Variants in SLC19A3 observed in about 807,000 individuals in gnomAD.
SLC19A3 encodes solute carrier family 19 member 3.
Under a neutral mutation model 40.2 loss-of-function variants are expected in SLC19A3, and 31 were observed. The ratio of observed to expected loss-of-function variants is 0.77; its 90% CI spans 0.58 to 1.04. The LOEUF (loss-of-function observed/expected upper bound fraction) is 1.04, where lower values mean the gene tolerates loss of function less well. Ranked by LOEUF, SLC19A3 falls within the 50% of genes least tolerant of loss-of-function variation. The pLI, the probability that SLC19A3 is intolerant of heterozygous loss-of-function variation, is 0.00. For missense variants in SLC19A3, 592 were observed against 596.7 expected (o/e 0.99, Z 0.08); for synonymous variants, 212 against 227.5 (o/e 0.93, Z 0.61).
chr2:227,694,134 G>A (rs1695337877), intron 4 of SLC19A3, among the ~76,000 whole-genome samples: 1 of 152,130 alleles, frequency 6.6e-6, no homozygotes, highest in South Asian at 2.1e-4. Flanking sequence ...AGCCTCCCCA[G>A]TAGCAGGGAT....
At position 227,710,683 on chromosome 2, in the gene SLC19A3, C is replaced by A. The variant is rs114621462; in HGVS notation, c.-3+7260G>T. ...TTTTAGACTATCTATGGACCCCACT[C>A]CAAGCTATCTTATTAGCATAAACAC... On this transcript the variant is annotated intron_variant, in intron 1 of 5. Coordinates refer to ENST00000644224, the MANE Select transcript of SLC19A3 (RefSeq NM_025243.4). Among the ~76,000 whole-genome samples the A allele has an allele frequency of 3.0e-3, 461 of 152,242 alleles. 4 individuals carry two copies. Among genetic ancestry groups the A allele is most frequent in the African/African-American group, 0.01 (432 of 41,544 alleles).
rs990056895 is a variant in SLC19A3 at position 227,688,033 on chromosome 2, T to C, written c.1314+133A>G. On this transcript the variant is annotated intron_variant, in intron 5 of 5. Transcript: ENST00000644224. ...TGCTCAAAACCTACTTGGTGTGTTA[T>C]AATATGATAATGAAGGAATTATGTA... 4 of 988,592 alleles carry C rather than the reference T, an allele frequency of 4.0e-6. No homozygotes were observed. In the Admixed American group the frequency reaches 7.5e-5, roughly 18 times the overall value. 61.2% of individuals were successfully genotyped at this position (988,592 alleles called of 1,614,324 possible).
At chr2:227,706,424 A>G in intron 1 of SLC19A3, 1 of 1,230,936 alleles carries the variant, frequency 8.1e-7, no homozygotes. Flanking sequence ...CCATTATTAT[A>G]AGCTCTATCA....
In SLC19A3 at chr2:227,686,877, T is replaced by G. The variant is rs1479382257; in HGVS notation, c.*520A>C. 1 of 152,460 alleles carries G rather than the reference T, an allele frequency of 6.6e-6. No individual in the cohort carries two copies. The highest frequency in any genetic ancestry group is 1.5e-5 in the Non-Finnish European group (1 of 68,252). The allele number at this position is 152,460 out of a possible 1,614,324, so 9.4% of individuals were successfully genotyped here. ...GAAGCCCTTAGAAATGGGACAAACA[T>G]TGTAATTCTCTTAGAGAACTGTAAC... On this transcript the variant is annotated 3_prime_UTR_variant, in exon 6 of 6. Transcript: ENST00000644224.
At chr2:227,715,951 CAAAAAAA>C (rs34546970) in intron 1 of SLC19A3, among the ~76,000 whole-genome samples, 2 of 87,158 alleles carry the variant, frequency 2.3e-5, no homozygotes, top group African/African-American at 4.7e-5. Flanking sequence ...GACTCCGTCT[CAAAAAAA>C]AAAAAAAAAA....
intron 1 of SLC19A3, among the ~76,000 whole-genome samples, chr2:227,710,026 G>A (rs914862820): frequency 7.9e-5 from 12 of 152,126 alleles, no homozygotes; most frequent in African/African-American, 2.9e-4. Context: ...TCGTAACCTA[G>A]ATCCCTTGCA....
chr2:227,714,672 T>G, intron 1 of SLC19A3: 1 of 852,984 alleles, frequency 1.2e-6, no homozygotes, highest in Non-Finnish European at 1.4e-6. Flanking sequence ...GCCCACCCTC[T>G]TCTGCAGCCG....
chr2:227,709,489 C>T (rs72961097), intron 1 of SLC19A3, among the ~76,000 whole-genome samples: 24,013 of 151,982 alleles, frequency 0.16, 2,443 homozygotes, highest in South Asian at 0.33. Flanking sequence ...GTCCCAAAAA[C>T]AACAACAACA....
chr2:227,690,632 G>A (rs965592382), intron 4 of SLC19A3, among the ~76,000 whole-genome samples: 3 of 149,956 alleles, frequency 2.0e-5, no homozygotes, highest in Non-Finnish European at 3.0e-5. Context: ...GTGTGAACCC[G>A]GGAGGTGGAG....
chr2:227,694,370 A>T lies in SLC19A3; in HGVS notation c.1172+1519T>A, dbSNP rs559990886. Among the ~76,000 whole-genome samples the T allele has an allele frequency of 1.6e-4, 25 of 152,106 alleles. 1 individual carries two copies. The highest frequency in any genetic ancestry group is 2.4e-4 in the African/African-American group (10 of 41,484). On this transcript the variant is annotated intron_variant, in intron 4 of 5. Coordinates refer to ENST00000644224, the MANE Select transcript of SLC19A3 (RefSeq NM_025243.4). ...CTACTTTAACAAAATCTTCACATTTAAAAAAAAGCAACCTAAGATACATGA... is the reference window on the plus strand; with the variant it reads ...CTACTTTAACAAAATCTTCACATTTTAAAAAAAGCAACCTAAGATACATGA...
In SLC19A3 at chr2:227,684,980, C is replaced by A. The variant is rs557793458; in HGVS notation, c.*2417G>T. On this transcript the variant is annotated 3_prime_UTR_variant, in exon 6 of 6. Coordinates refer to ENST00000644224, the MANE Select transcript of SLC19A3 (RefSeq NM_025243.4). The stretch of plus-strand genomic sequence containing the variant: ...CCTGGGTGACAGAGCAAGATTCTAT[C>A]AAAAAAAAAAAAAAAAAAAAAAAAA... 25 of 62,420 alleles carry A rather than the reference C, an allele frequency of 4.0e-4. No homozygotes were observed. The highest frequency in any genetic ancestry group is 2.9e-3 in the South Asian group (2 of 700). 3.9% of individuals were successfully genotyped at this position (62,420 alleles called of 1,614,324 possible).
intron 3 of SLC19A3, among the ~76,000 whole-genome samples, chr2:227,697,929 T>C (rs1428490302): frequency 1.3e-5 from 2 of 151,460 alleles, no homozygotes; most frequent in Middle Eastern, 3.2e-3. Flanking sequence ...TACAAAAAAA[T>C]TTAGCTGGGC....
chr2:227,689,010 C>A (rs1389287289), intron 4 of SLC19A3, among the ~76,000 whole-genome samples: 1 of 151,726 alleles, frequency 6.6e-6, no homozygotes. Context: ...AATCTCATAC[C>A]AGCAGAACTG....
intron 4 of SLC19A3, among the ~76,000 whole-genome samples, chr2:227,690,833 A>T (rs1695199416): frequency 6.6e-6 from 1 of 152,008 alleles, no homozygotes; most frequent in Non-Finnish European, 1.5e-5. Context: ...TGGAGACTTT[A>T]AAACCCCACT....
chr2:227,692,713 C>A (rs1695279900), intron 4 of SLC19A3, among the ~76,000 whole-genome samples: 1 of 152,074 alleles, frequency 6.6e-6, no homozygotes, highest in Non-Finnish European at 1.5e-5. Context: ...AGCAATCAGA[C>A]AAGAGAAAGA....
In SLC19A3 at chr2:227,703,638, T is replaced by G. The variant is rs560981591; in HGVS notation, c.-2-1318A>C. On this transcript the variant is annotated intron_variant, in intron 1 of 5. Transcript: ENST00000644224. The surrounding 1 kb of genome is among the most constrained non-coding windows in gnomAD (Gnocchi z 4.7). ...TCCAGAAAACAGGGCTTTCTCTTCT[T>G]CCTGGAATGCTGCTGGGTTTGCTGG... is the stretch of plus-strand genomic sequence containing the variant. Among the ~76,000 whole-genome samples the G allele has an allele frequency of 1.3e-5, 2 of 152,290 alleles. No homozygotes were observed. Among genetic ancestry groups the G allele is most frequent in the South Asian group, 4.1e-4 (2 of 4,830 alleles).
At chr2:227,689,694 A>C (rs1695149012) in intron 4 of SLC19A3, among the ~76,000 whole-genome samples, 1 of 152,240 alleles carries the variant, frequency 6.6e-6, no homozygotes, top group South Asian at 2.1e-4. Context: ...TAATAGGTAC[A>C]TAGAACAACA....
chr2:227,714,965 ACCC>A (rs1696283060), intron 1 of SLC19A3, among the ~76,000 whole-genome samples: 1 of 149,010 alleles, frequency 6.7e-6, no homozygotes, highest in Non-Finnish European at 1.5e-5. Flanking sequence ...GACCACAGGC[ACCC>A]GCCACCAGGC....
chr2:227,706,395 C>T, intron 1 of SLC19A3: 1 of 1,231,234 alleles, frequency 8.1e-7, no homozygotes, highest in South Asian at 4.1e-5. Context: ...AAAGTTACTC[C>T]TGTAGCAGTC....
Sources: allele counts gnomAD v4.1 joint callset (sites outside exome capture counted in the v4.1 genomes callset), GRCh38; gene constraint gnomAD v4.1.1; non-coding constraint Gnocchi (gnomAD v3.1); transcripts MANE v1.5; gene names NCBI Gene and HGNC (gene_info 2026-07-23, HGNC 2026-07-21).